Variants in SYN3 observed in about 807,000 individuals in gnomAD.
SYN3 encodes the protein synapsin III, also known as synapsin-3.
In SYN3, 35 loss-of-function variants were observed where a neutral mutation model predicts 65.8. The ratio of observed to expected loss-of-function variants is 0.53; its 90% CI spans 0.41 to 0.70. SYN3 has a LOEUF of 0.70. SYN3 is among the 30% of genes least tolerant of loss of function. SYN3 has a pLI of 0.00. For synonymous variants in SYN3, 270 were observed against 292.9 expected, an observed-to-expected ratio of 0.92 and a Z score of 0.80; for missense variants, 680 against 749.0, an observed-to-expected ratio of 0.91 and a Z score of 1.08.
chr22:32,816,014 C>T (rs1451261557), intron 6 of SYN3, among the ~76,000 whole-genome samples: 3 of 152,148 alleles, frequency 2.0e-5, no homozygotes, highest in Non-Finnish European at 4.4e-5. Flanking sequence ...GTTTTTGACC[C>T]CAGCACTGAT....
At chr22:32,603,228 G>A (rs890935389) in intron 6 of SYN3, among the ~76,000 whole-genome samples, 1 of 151,832 alleles carries the variant, frequency 6.6e-6, no homozygotes, top group Non-Finnish European at 1.5e-5. Context: ...AAAACACAGC[G>A]CTGGCCGGGC....
At chr22:32,575,649 T>A (rs1441402617) in intron 7 of SYN3, among the ~76,000 whole-genome samples, 1 of 152,202 alleles carries the variant, frequency 6.6e-6, no homozygotes, top group Non-Finnish European at 1.5e-5. Flanking sequence ...TGCGGTCTCA[T>A]TAAATAGGAT....
chr22:33,031,855 G>A (rs953659643), intron 1 of SYN3, among the ~76,000 whole-genome samples: 2 of 152,070 alleles, frequency 1.3e-5, no homozygotes, highest in East Asian at 3.9e-4. Flanking sequence ...GGCCAGACAT[G>A]TCCCATTCCA....
chr22:32,530,308 G>A (rs1357450341), intron 10 of SYN3: 1 of 152,236 alleles, frequency 6.6e-6, no homozygotes, highest in Non-Finnish European at 1.5e-5. Context: ...TGGGTGTGGA[G>A]GATCTCTCAT....
At chr22:32,758,101 C>T (rs529205537) in intron 6 of SYN3, among the ~76,000 whole-genome samples, 5 of 152,258 alleles carry the variant, frequency 3.3e-5, no homozygotes, top group Admixed American at 3.3e-4. Flanking sequence ...TATCATGCCA[C>T]ATAAGATTTA....
At chr22:32,690,018 A>T (rs2060641609) in intron 6 of SYN3, among the ~76,000 whole-genome samples, 1 of 152,182 alleles carries the variant, frequency 6.6e-6, no homozygotes, top group Non-Finnish European at 1.5e-5. Flanking sequence ...TCTACTAAAA[A>T]TACAAAAATT....
At chr22:32,913,076 C>T (rs1244759879) in intron 4 of SYN3, among the ~76,000 whole-genome samples, 1 of 151,990 alleles carries the variant, frequency 6.6e-6, no homozygotes, top group Non-Finnish European at 1.5e-5. Context: ...AAGCTTTGCA[C>T]GTGTAGGGGC....
intron 4 of SYN3, among the ~76,000 whole-genome samples, chr22:32,877,398 G>C (rs559871230): frequency 3.3e-5 from 5 of 152,200 alleles, no homozygotes; most frequent in Admixed American, 6.5e-5. Context: ...ATGGAACCAT[G>C]AGTCAAGCTT....
chr22:32,574,979 C>T (rs1265016699), intron 7 of SYN3, among the ~76,000 whole-genome samples: 2 of 152,228 alleles, frequency 1.3e-5, no homozygotes, highest in African/African-American at 4.8e-5. Context: ...GCTCCTTGCA[C>T]ACTAGCAGGT....
chr22:32,733,510 G>C (rs531917244), intron 6 of SYN3, among the ~76,000 whole-genome samples: 1 of 152,318 alleles, frequency 6.6e-6, no homozygotes, highest in East Asian at 1.9e-4. Context: ...GCCCAGGAGA[G>C]TGGTTCCTAG....
At chr22:32,841,930 G>T (rs1397885933) in intron 6 of SYN3, among the ~76,000 whole-genome samples, 1 of 152,158 alleles carries the variant, frequency 6.6e-6, no homozygotes. Context: ...TGTGCAGATG[G>T]TGCTGAGACC....
At chr22:32,567,609 G>A (rs1289273010) in intron 7 of SYN3, among the ~76,000 whole-genome samples, 1 of 152,166 alleles carries the variant, frequency 6.6e-6, no homozygotes, top group Non-Finnish European at 1.5e-5. Context: ...TTCACATGTG[G>A]AGCTGGCATG....
intron 6 of SYN3, among the ~76,000 whole-genome samples, chr22:32,758,705 T>TATATA (rs1277216646): frequency 9.5e-4 from 104 of 109,578 alleles, no homozygotes; most frequent in Non-Finnish European, 1.5e-3. Flanking sequence ...TATATATGTC[T>TATATA]TATTAGTTCT....
chr22:32,858,776 C>G (rs1035600131), intron 6 of SYN3, among the ~76,000 whole-genome samples: 1 of 152,188 alleles, frequency 6.6e-6, no homozygotes, highest in African/African-American at 2.4e-5. Context: ...TTCACTGAAT[C>G]TGGTTTCCAA....
At chr22:32,626,580 G>A (rs1311887204) in intron 6 of SYN3, among the ~76,000 whole-genome samples, 4 of 152,182 alleles carry the variant, frequency 2.6e-5, no homozygotes, top group Non-Finnish European at 4.4e-5. Context: ...GAGCACTTGG[G>A]CAGAGCTGAG....
intron 6 of SYN3, among the ~76,000 whole-genome samples, chr22:32,742,672 G>T (rs961688972): frequency 1.3e-5 from 2 of 152,170 alleles, no homozygotes; most frequent in East Asian, 1.9e-4. Context: ...TGTGAATTTA[G>T]CTCTGCCTGA....
At chr22:32,610,485 C>T (rs1380374144) in intron 6 of SYN3, among the ~76,000 whole-genome samples, 1 of 152,190 alleles carries the variant, frequency 6.6e-6, no homozygotes, top group East Asian at 1.9e-4. Context: ...TACAGATTTC[C>T]CTATTCTGGA....
intron 3 of SYN3, among the ~76,000 whole-genome samples, chr22:32,955,989 G>C (rs972034027): frequency 6.7e-6 from 1 of 148,818 alleles, no homozygotes; most frequent in African/African-American, 2.5e-5. Flanking sequence ...ATTGCAGATG[G>C]CCTATTGTGT....
At chr22:32,767,738 G>T (rs528827862) in intron 6 of SYN3, among the ~76,000 whole-genome samples, 1 of 152,002 alleles carries the variant, frequency 6.6e-6, no homozygotes, top group South Asian at 2.1e-4. Flanking sequence ...GAACATTTAG[G>T]ATTTTCTCTT....
Sources: gnomAD v4.1 joint callset for allele counts (sites outside exome capture counted in the v4.1 genomes callset) on GRCh38, gnomAD v4.1.1 for gene constraint, MANE v1.5 for transcripts, NCBI Gene and HGNC (gene_info 2026-07-23, HGNC 2026-07-21) for gene names.